The following CC2D2B variants were observed in gnomAD, a reference collection of about 807,000 sequenced individuals.
The protein encoded by CC2D2B is coiled-coil and C2 domain containing 2B, also known as protein CC2D2B.
Under a neutral mutation model 161.2 loss-of-function variants are expected in CC2D2B, and 128 were observed. The ratio of observed to expected loss-of-function variants is 0.79; its 90% CI spans 0.69 to 0.92. The LOEUF (loss-of-function observed/expected upper bound fraction) is 0.92, where lower values mean the gene tolerates loss of function less well. Ranked by LOEUF, CC2D2B falls within the 40% of genes least tolerant of loss-of-function variation. The pLI, the probability that CC2D2B is intolerant of heterozygous loss-of-function variation, is 0.00. For missense variants in CC2D2B, 1,173 were observed against 1,375.1 expected, an observed-to-expected ratio of 0.85 and a Z score of 2.32; for synonymous variants, 391 against 449.8, an observed-to-expected ratio of 0.87 and a Z score of 1.65.
At chr10:96,025,192 A>AAATATAT (rs1284499689) in intron 33 of CC2D2B, among the ~76,000 whole-genome samples, 2 of 49,168 alleles carry the variant, frequency 4.1e-5, no homozygotes, top group African/African-American at 1.7e-4. Flanking sequence ...TATAAAAAAA[A>AAATATAT]ATATATATAT....
At chr10:95,992,747 T>C in intron 22 of CC2D2B, 50 bp downstream of exon 22, 3 of 1,123,794 alleles carry the variant, frequency 2.7e-6, no homozygotes, top group Non-Finnish European at 3.4e-6. Context: ...CTATTTTAAA[T>C]GTGAGAATTC....
Position 96,026,133 on chromosome 10 carries a change from C to T in CC2D2B, c.3948-1079C>T, listed in dbSNP as rs539013510. ...AGCCGCTATTGAGACCCTCTACAAACTCCAAACTACTTAGTTGCACTATAA... is the reference window on the plus strand; with the variant it reads ...AGCCGCTATTGAGACCCTCTACAAATTCCAAACTACTTAGTTGCACTATAA... On this transcript the variant is annotated intron_variant, in intron 33 of 34. Transcript: ENST00000646931. Among the ~76,000 whole-genome samples, 13 of 152,292 alleles carry T rather than the reference C, an allele frequency of 8.5e-5. 1 individual carries two copies. The South Asian group carries it at 2.1e-3, about 24-fold the overall frequency.
At chr10:95,923,893 C>T (rs554026880) in intron 3 of CC2D2B, among the ~76,000 whole-genome samples, 14 of 152,006 alleles carry the variant, frequency 9.2e-5, no homozygotes, top group South Asian at 2.1e-4. Context: ...TGGTGGCGCA[C>T]GCCTGTAATC....
chr10:95,947,297 G>C (rs1168620517), intron 9 of CC2D2B, among the ~76,000 whole-genome samples: 2 of 150,614 alleles, frequency 1.3e-5, no homozygotes, highest in East Asian at 3.9e-4. Flanking sequence ...ATTTTTAGTA[G>C]AGATGGGGTT....
In CC2D2B at chr10:96,032,837, CTT is replaced by C. The variant is rs1301831246; in HGVS notation, c.*835_*836del. On this transcript the variant is annotated 3_prime_UTR_variant, in exon 35 of 35. Transcript: ENST00000646931. The stretch of plus-strand genomic sequence containing the variant: ...AATGGTCTTGACAAATCTCAGGACT[CTT>C]TTTTTCCTTAGTGAGCAGCCCCCAA... 2.1e-6 allele frequency: 1 copy of C among 466,198 alleles called. No homozygotes were observed. The highest frequency in any genetic ancestry group is 2.0e-5 in the African/African-American group (1 of 49,748). The allele number at this position is 466,198 out of a possible 1,614,324, so 28.9% of individuals were successfully genotyped here.
Position 96,005,883 on chromosome 10 carries a change from T to TA in CC2D2B, c.2946+1642dup, listed in dbSNP as rs1014208182. On this transcript the variant is annotated intron_variant, in intron 25 of 34. Coordinates refer to ENST00000646931, the MANE Select transcript of CC2D2B (RefSeq NM_001349008.3). ...CTCAGATTGGTTTAAATACTTTTTT[T>TA]AAAAAAATAGTTATTTTCAAGATTT... Among the ~76,000 whole-genome samples the TA allele has an allele frequency of 9.2e-5, 14 of 152,212 alleles. No individual in the cohort carries two copies. In the South Asian group the frequency reaches 1.2e-3, roughly 14 times the overall value.
chr10:95,970,511 G>A (rs184329548), intron 15 of CC2D2B, among the ~76,000 whole-genome samples: 21 of 152,120 alleles, frequency 1.4e-4, no homozygotes, highest in African/African-American at 4.6e-4. Flanking sequence ...CAATCTCATC[G>A]CATCATGGTG....
At chr10:95,931,785 G>A (rs1192944333) in intron 6 of CC2D2B, among the ~76,000 whole-genome samples, 1 of 152,176 alleles carries the variant, frequency 6.6e-6, no homozygotes, top group Non-Finnish European at 1.5e-5. Flanking sequence ...GCTGAGGAGT[G>A]TTTTACTTCC....
intron 34 of CC2D2B, among the ~76,000 whole-genome samples, chr10:96,030,560 T>C (rs142904320): frequency 1.3e-5 from 2 of 152,220 alleles, no homozygotes; most frequent in East Asian, 3.9e-4. Context: ...CACTCATGAA[T>C]AGGGAGGAAG....
chr10:96,032,804 AG>A lies in CC2D2B; in HGVS notation c.*799del. On this transcript the variant is annotated 3_prime_UTR_variant, in exon 35 of 35. Transcript: ENST00000646931. ...AACTCTAATTTCTCCCAATTCTGTG[AG>A]GGAGGAAATGGTCTTGACAAATCTC... 2.1e-6 allele frequency: 1 copy of A among 470,352 alleles called. No individual in the cohort carries two copies. The highest frequency in any genetic ancestry group is 4.4e-6 in the Non-Finnish European group (1 of 226,718). The allele number at this position is 470,352 out of a possible 1,614,324, so 29.1% of individuals were successfully genotyped here. A position where few individuals can be genotyped will look rare whatever the true frequency, so the allele number is the denominator to read the frequency against.
chr10:95,971,242 A>G (rs779097779), intron 15 of CC2D2B, among the ~76,000 whole-genome samples: 1 of 152,010 alleles, frequency 6.6e-6, no homozygotes, highest in Non-Finnish European at 1.5e-5. Flanking sequence ...TACAAAAATT[A>G]GCCAGGTGTG....
chr10:96,016,122 C>T lies in CC2D2B; in HGVS notation c.3517-79C>T, dbSNP rs1462212662. 9.4e-6 allele frequency: 8 copies of T among 854,580 alleles called. No individual in the cohort carries two copies. In the East Asian group the frequency reaches 1.0e-4, roughly 11 times the overall value. 52.9% of individuals were successfully genotyped at this position (854,580 alleles called of 1,614,324 possible). A position where few individuals can be genotyped will look rare whatever the true frequency, so the allele number is the denominator to read the frequency against. On this transcript the variant is annotated intron_variant, in intron 29 of 34. Coordinates refer to ENST00000646931, the MANE Select transcript of CC2D2B (RefSeq NM_001349008.3). ...GGAACTGGAGTGAGTACAGGTGCTCCGCATCAGTTGGATGCTTGCGTTACT... is the reference window on the plus strand; with the variant it reads ...GGAACTGGAGTGAGTACAGGTGCTCTGCATCAGTTGGATGCTTGCGTTACT...
chr10:95,948,002 G>A (rs190001118), intron 9 of CC2D2B, among the ~76,000 whole-genome samples: 16 of 152,106 alleles, frequency 1.1e-4, no homozygotes, highest in South Asian at 2.1e-4. Context: ...TCTGGCCCAC[G>A]GTTCTAAACA....
At chr10:95,984,725 C>T (rs1243236105) in intron 19 of CC2D2B, 2 of 151,904 alleles carry the variant, frequency 1.3e-5, no homozygotes, top group African/African-American at 2.4e-5. Context: ...AAAAAATAAA[C>T]AAAATTAGCT....
In CC2D2B at chr10:95,981,959, A is replaced by T. The variant is rs2077547461; in HGVS notation, c.1944-16A>T. 1 of 1,206,500 alleles carries T rather than the reference A, an allele frequency of 8.3e-7. No homozygotes were observed. The highest frequency in any genetic ancestry group is 1.6e-5 in the African/African-American group (1 of 63,758). 74.7% of individuals were successfully genotyped at this position (1,206,500 alleles called of 1,614,324 possible). A position where few individuals can be genotyped will look rare whatever the true frequency, so the allele number is the denominator to read the frequency against. On this transcript the variant is annotated splice_polypyrimidine_tract_variant and intron_variant, in intron 17 of 34. Coordinates refer to ENST00000646931, the MANE Select transcript of CC2D2B (RefSeq NM_001349008.3). ...TATATTGTATGCAAGTTCACAAAAT[A>T]TTTTCTCTATGTTAGTATGTTAAGG...
intron 24 of CC2D2B, among the ~76,000 whole-genome samples, chr10:95,998,104 A>G (rs933020348): frequency 6.6e-6 from 1 of 151,496 alleles, no homozygotes; most frequent in African/African-American, 2.4e-5. Context: ...TTTTTAAATT[A>G]AGAGACTTTA....
rs41306854 is a variant in CC2D2B, at chr10:95,966,409, C to G, written c.1466+107C>G. On this transcript the variant is annotated intron_variant, in intron 14 of 34. Transcript: ENST00000646931. Reference sequence around the variant, plus strand: ...GGGTGAGTACCATATGCCAGGCACTCTAAGTTTTTAAAAACACATTTTCAT... The same window carrying G: ...GGGTGAGTACCATATGCCAGGCACTGTAAGTTTTTAAAAACACATTTTCAT... 4.9e-3 allele frequency: 1,882 copies of G among 386,174 alleles called. 5 individuals carry two copies. Among genetic ancestry groups the G allele is most frequent in the Non-Finnish European group, 5.5e-3 (1,233 of 224,770 alleles). 23.9% of individuals were successfully genotyped at this position (386,174 alleles called of 1,614,324 possible).
chr10:95,987,238 C>T (rs368437077), intron 19 of CC2D2B, among the ~76,000 whole-genome samples: 2 of 151,950 alleles, frequency 1.3e-5, no homozygotes, highest in Non-Finnish European at 2.9e-5. Flanking sequence ...GCAGGAGAAT[C>T]ACTTGAACCC....
chr10:96,018,006 C>T (rs1047870189), intron 30 of CC2D2B, among the ~76,000 whole-genome samples: 1 of 152,164 alleles, frequency 6.6e-6, no homozygotes, highest in Non-Finnish European at 1.5e-5. Context: ...CTCTGAGCCT[C>T]AGTTACCTCC....
Sources: allele counts gnomAD v4.1 joint callset (sites outside exome capture counted in the v4.1 genomes callset), GRCh38; gene constraint gnomAD v4.1.1; transcripts MANE v1.5; gene names NCBI Gene and HGNC (gene_info 2026-07-23, HGNC 2026-07-21).